TFCP2: variants seen among roughly 807,000 people sequenced by gnomAD.
The protein encoded by TFCP2 is transcription factor CP2, also known as alpha-globin transcription factor CP2.
TFCP2 carries 33 observed loss-of-function variants against 73.4 expected under a neutral mutation model. The ratio of observed to expected loss-of-function variants is 0.45; its 90% confidence interval spans 0.34 to 0.60. TFCP2 has a LOEUF of 0.60. Among genes scored for constraint, TFCP2 ranks in the 20% least tolerant of loss-of-function variants. TFCP2 has a pLI of 0.01. For synonymous variants in TFCP2, 193 were observed against 211.6 expected, an observed-to-expected ratio of 0.91 and a Z score of 0.76; for missense variants, 352 against 604.0, an observed-to-expected ratio of 0.58 and a Z score of 4.37.
intron 1 of TFCP2, among the ~76,000 whole-genome samples, chr12:51,170,712 T>G (rs193263862): frequency 1.1e-4 from 17 of 152,100 alleles, no homozygotes; most frequent in Admixed American, 9.2e-4. Flanking sequence ...GGAGTTTTAC[T>G]CTTGTTGCCT....
At chr12:51,166,146 C>A (rs1464891398) in intron 1 of TFCP2, among the ~76,000 whole-genome samples, 1 of 151,788 alleles carries the variant, frequency 6.6e-6, no homozygotes, top group Non-Finnish European at 1.5e-5. Context: ...GAAACCCCGT[C>A]TCTACTAAAA....
intron 14 of TFCP2, among the ~76,000 whole-genome samples, chr12:51,095,639 A>AC (rs1939941305): frequency 6.6e-6 from 1 of 151,690 alleles, no homozygotes; most frequent in Admixed American, 6.6e-5. Context: ...ACAAGGTGAA[A>AC]CCCATCTCTA....
chr12:51,104,812 T>C (rs1022748002), intron 8 of TFCP2, among the ~76,000 whole-genome samples: 5 of 150,376 alleles, frequency 3.3e-5, no homozygotes, highest in Non-Finnish European at 7.4e-5. Context: ...CCCGGGTTCA[T>C]GCCATTCTCC....
At chr12:51,170,958 A>C (rs1456871534) in intron 1 of TFCP2, among the ~76,000 whole-genome samples, 1 of 152,052 alleles carries the variant, frequency 6.6e-6, no homozygotes, top group Admixed American at 6.6e-5. Context: ...GATTACAGGC[A>C]TGAGCCACCG....
chr12:51,161,682 A>AAAAAAAT (rs1489340230), intron 1 of TFCP2, among the ~76,000 whole-genome samples: 1 of 149,252 alleles, frequency 6.7e-6, no homozygotes, highest in Non-Finnish European at 1.5e-5. Context: ...TCTGTCTCAA[A>AAAAAAAT]AAAAATAATA....
chr12:51,098,726 G>A (rs2359189), intron 13 of TFCP2, 50 bp downstream of exon 13: 183,468 of 1,601,132 alleles, frequency 0.11, 12,558 homozygotes, highest in Admixed American at 0.27. Context: ...TGCTCCATGC[G>A]CTGACAAATT....
intron 1 of TFCP2, among the ~76,000 whole-genome samples, chr12:51,147,367 T>A (rs1442252999): frequency 6.6e-6 from 1 of 151,904 alleles, no homozygotes; most frequent in Non-Finnish European, 1.5e-5. Flanking sequence ...GAAAGAAAAT[T>A]AAACCATTGG....
chr12:51,144,864 C>G (rs972026079), intron 1 of TFCP2, among the ~76,000 whole-genome samples: 16 of 152,052 alleles, frequency 1.1e-4, no homozygotes, highest in Non-Finnish European at 2.4e-4. Flanking sequence ...GGGTTTGAGA[C>G]CAGCCTGGCC....
chr12:51,119,961 C>T (rs1216924429), intron 1 of TFCP2, among the ~76,000 whole-genome samples: 1 of 151,580 alleles, frequency 6.6e-6, no homozygotes, highest in Non-Finnish European at 1.5e-5. Context: ...GGTGGATCAC[C>T]TGAGGTCAGG....
At chr12:51,125,399 G>C (rs1592808819) in intron 1 of TFCP2, 1 of 451,936 alleles carries the variant, frequency 2.2e-6, no homozygotes, top group Admixed American at 2.4e-5. Flanking sequence ...CAAACACTTT[G>C]GCTGCCATGT....
chr12:51,121,045 AAG>A (rs1491476007), intron 1 of TFCP2, among the ~76,000 whole-genome samples: 121 of 147,362 alleles, frequency 8.2e-4, no homozygotes, highest in South Asian at 2.2e-3. Flanking sequence ...TTTTTTAAAA[AAG>A]AAAAAATATA....
At chr12:51,106,489 G>C (rs765418514) in intron 8 of TFCP2, 36 bp downstream of exon 8, 36 of 1,452,888 alleles carry the variant, frequency 2.5e-5, no homozygotes, top group Non-Finnish European at 3.4e-5. Context: ...TATATATTTT[G>C]GACAAATATA....
chr12:51,144,481 T>C (rs1272260343), intron 1 of TFCP2, among the ~76,000 whole-genome samples: 1 of 152,050 alleles, frequency 6.6e-6, no homozygotes. Context: ...GATAGACAAA[T>C]TAACCTATAG....
chr12:51,118,896 T>A, intron 1 of TFCP2, 124 bp from the exon 2 acceptor site: 1 of 1,090,622 alleles, frequency 9.2e-7, no homozygotes, highest in Non-Finnish European at 1.3e-6. Context: ...TGGAGTTTCA[T>A]CCCAAGAATT....
At chr12:51,098,697 G>A in intron 13 of TFCP2, 79 bp downstream of exon 13, 1 of 1,496,460 alleles carries the variant, frequency 6.7e-7, no homozygotes, top group Non-Finnish European at 9.2e-7. Context: ...AGAACACTCT[G>A]CCCCAGGAGA....
chr12:51,154,035 C>A (rs946251992), intron 1 of TFCP2, among the ~76,000 whole-genome samples: 1 of 39,068 alleles, frequency 2.6e-5, no homozygotes, highest in Non-Finnish European at 7.0e-5. Flanking sequence ...TTGCCAACAC[C>A]TGTTACTTTG....
At chr12:51,156,045 CAAAAAAAAAAAAAAAAA>C in intron 1 of TFCP2, among the ~76,000 whole-genome samples, 1 of 146,546 alleles carries the variant, frequency 6.8e-6, no homozygotes, top group African/African-American at 2.5e-5. Context: ...CTTTTTGTCT[CAAAAAAAAAAAAAAAAA>C]AAAAAAAAAG....
intron 1 of TFCP2, among the ~76,000 whole-genome samples, chr12:51,148,416 G>C (rs957891006): frequency 6.6e-6 from 1 of 152,194 alleles, no homozygotes. Context: ...TAAAGAAAAT[G>C]TGGTGGCCGG....
rs539863951 is a variant in TFCP2 at position 51,151,798 on chromosome 12, A to C, written c.122+20503T>G. Reference sequence around the variant, plus strand: ...ATTTTGAAGGGATTCCTGCTGGCCAAACCTGGAACACTGTCATCAAAATAT... The same window carrying C: ...ATTTTGAAGGGATTCCTGCTGGCCACACCTGGAACACTGTCATCAAAATAT... On this transcript the variant is annotated intron_variant, in intron 1 of 14. Coordinates refer to ENST00000257915, the MANE Select transcript of TFCP2 (RefSeq NM_005653.5). Among the ~76,000 whole-genome samples the C allele has an allele frequency of 5.9e-5, 9 of 152,302 alleles. No homozygotes were observed. In the East Asian group the frequency reaches 1.5e-3, roughly 26 times the overall value.
Sources: gnomAD v4.1 joint callset for allele counts (sites outside exome capture counted in the v4.1 genomes callset) on GRCh38, gnomAD v4.1.1 for gene constraint, MANE v1.5 for transcripts, NCBI Gene and HGNC (gene_info 2026-07-23, HGNC 2026-07-21) for gene names.